The following LRRC31 variants were observed in gnomAD, a reference collection of about 807,000 sequenced individuals.
The protein encoded by LRRC31 is leucine rich repeat containing 31.
In LRRC31, 35 loss-of-function variants were observed where a neutral mutation model predicts 46.7. That is an observed-to-expected ratio of 0.75 (90% CI 0.57 to 0.99). LRRC31 has a LOEUF of 0.99. Ranked by LOEUF, LRRC31 falls within the 50% of genes least tolerant of loss-of-function variation. LRRC31 has a pLI of 0.00. For missense variants in LRRC31, 613 were observed against 626.1 expected (o/e 0.98, Z 0.22); for synonymous variants, 236 against 235.1 (o/e 1.00, Z -0.03).
intron 3 of LRRC31, 73 bp downstream of exon 3, chr3:169,860,488 A>G (rs1357522494): frequency 1.3e-6 from 2 of 1,512,506 alleles, no homozygotes; most frequent in Non-Finnish European, 1.8e-6. Context: ...TCAGCCTCCC[A>G]AAGTGTTAGG....
intron 6 of LRRC31, among the ~76,000 whole-genome samples, chr3:169,854,339 A>T (rs1780878348): frequency 6.6e-6 from 1 of 152,238 alleles, no homozygotes; most frequent in African/African-American, 2.4e-5. Flanking sequence ...CTATGTTTGC[A>T]GTAGGAAAAT....
intron 6 of LRRC31, among the ~76,000 whole-genome samples, chr3:169,852,667 A>G (rs928345873): frequency 2.0e-5 from 3 of 152,178 alleles, no homozygotes; most frequent in Admixed American, 2.0e-4. Context: ...CTCGTTCGCT[A>G]TCTTTTGGCT....
intron 1 of LRRC31, among the ~76,000 whole-genome samples, chr3:169,869,374 A>G (rs898808726): frequency 2.6e-5 from 4 of 151,896 alleles, no homozygotes; most frequent in Non-Finnish European, 5.9e-5. Flanking sequence ...TCTGTCTCAA[A>G]ATAAATAAAT....
In LRRC31 at chr3:169,848,684, C is replaced by T. The variant is rs571477208; in HGVS notation, c.1160-397G>A. 2.6e-5 allele frequency among the ~76,000 whole-genome samples: 4 copies of T among 152,286 alleles called. No individual in the cohort carries two copies. The East Asian group carries it at 5.8e-4, about 22-fold the overall frequency. The stretch of plus-strand genomic sequence containing the variant: ...ATGTTGCCCAGGATGGTCTCGATCT[C>T]CTGACTCAGGATCCGCCAGCCTTGG... On this transcript the variant is annotated intron_variant, in intron 7 of 8. Coordinates refer to ENST00000316428, the MANE Select transcript of LRRC31 (RefSeq NM_024727.4).
intron 8 of LRRC31, among the ~76,000 whole-genome samples, chr3:169,846,102 A>T (rs1780596401): frequency 6.6e-6 from 1 of 152,240 alleles, no homozygotes; most frequent in Admixed American, 6.5e-5. Flanking sequence ...ATACACACAT[A>T]AAAAGATGTT....
rs1021716842 is a variant in LRRC31 at position 169,853,708 on chromosome 3, T to C, written c.991+1105A>G. The C allele has an allele frequency of 1.0e-5, 10 of 984,484 alleles. No individual in the cohort carries two copies. In the African/African-American group the frequency reaches 1.0e-4, roughly 10 times the overall value. 61.0% of individuals were successfully genotyped at this position (984,484 alleles called of 1,614,324 possible). ...TCATGAAAGTCTTGAATTCTTCCCA[T>C]TTTCCCAAATTGAGAGATAAGAGTC... On this transcript the variant is annotated intron_variant, in intron 6 of 8. Transcript: ENST00000316428.
In LRRC31 at chr3:169,851,822, C is replaced by T. The variant is rs1327161576; in HGVS notation, c.992-36G>A. The T allele has an allele frequency of 1.9e-6, 3 of 1,604,056 alleles. No homozygotes were observed. The Admixed American group carries it at 5.0e-5, about 27-fold the overall frequency. ...TATCAACAGTGACATGTTTTAGGCA[C>T]CATCTCACAGGGAGTCTTCTGGGTG... is the stretch of plus-strand genomic sequence containing the variant. On this transcript the variant is annotated intron_variant, in intron 6 of 8. Coordinates refer to ENST00000316428, the MANE Select transcript of LRRC31 (RefSeq NM_024727.4).
chr3:169,857,012 G>A (rs949317493), intron 3 of LRRC31, 140 bp from the exon 4 acceptor site: 2 of 688,074 alleles, frequency 2.9e-6, no homozygotes, highest in African/African-American at 1.8e-5. Context: ...GGAACAGAGA[G>A]AAGGAAAGAA....
Position 169,840,061 on chromosome 3 carries a change from G to T in LRRC31, c.1580C>A (p.Ala527Asp). The change falls in exon 9 of 9, where the codon GCT (alanine) becomes GAT (aspartate). Residue 527 changes from alanine to aspartate, a missense_variant. Transcript: ENST00000316428. ...EIGMKRWILP[A>D]SQEEELECFD... The stretch of plus-strand genomic sequence containing the variant: ...GCATTCTAGTTCTTCCTCCTGTGAA[G>T]CTGGGAGAATCCATCTTTTCATTCC... The T allele has an allele frequency of 6.2e-7, 1 of 1,614,058 alleles. No individual in the cohort carries two copies. Among genetic ancestry groups the T allele is most frequent in the Non-Finnish European group, 8.5e-7 (1 of 1,180,010 alleles).
At chr3:169,853,991 G>C (rs566414628) in intron 6 of LRRC31, among the ~76,000 whole-genome samples, 97 of 152,382 alleles carry the variant, frequency 6.4e-4, no homozygotes, top group Non-Finnish European at 1.1e-3. Flanking sequence ...TGGGGAGAGA[G>C]AGCATGGGCA....
At chr3:169,841,497 G>A (rs1780447176) in intron 8 of LRRC31, among the ~76,000 whole-genome samples, 1 of 152,138 alleles carries the variant, frequency 6.6e-6, no homozygotes, top group South Asian at 2.1e-4. Flanking sequence ...TCTGTCTCTA[G>A]GTGTTCATGT....
rs80232914 is a variant in LRRC31, at chr3:169,843,484, A to G, written c.1328-3171T>C. Reference sequence around the variant, plus strand: ...AAGCTGTGTCAGACTTCTTACCTACAGAACTGTGAGCCGGGTGAGGGATGA... The same window carrying G: ...AAGCTGTGTCAGACTTCTTACCTACGGAACTGTGAGCCGGGTGAGGGATGA... On this transcript the variant is annotated intron_variant, in intron 8 of 8. Transcript: ENST00000316428. Among the ~76,000 whole-genome samples, 970 of 152,364 alleles carry G rather than the reference A, an allele frequency of 6.4e-3. 21 individuals carry two copies. In the East Asian group the frequency reaches 0.075, roughly 12 times the overall value.
At chr3:169,844,911 A>G (rs28797554) in intron 8 of LRRC31, among the ~76,000 whole-genome samples, 1 of 144,090 alleles carries the variant, frequency 6.9e-6, no homozygotes, top group African/African-American at 2.6e-5. Flanking sequence ...CAGCCTGGTG[A>G]CAGAATGAGA....
chr3:169,840,024 A>G lies in LRRC31; in HGVS notation c.1617T>C (p.Asp539=). ...GGTCAAAGTGAATGCTTCTTTTTTTATCTTGGTCAAAGCATTCTAGTTCTT... is the reference window on the plus strand; with the variant it reads ...GGTCAAAGTGAATGCTTCTTTTTTTGTCTTGGTCAAAGCATTCTAGTTCTT... ...QEEELECFDQ[D]KKRSIHFDHG... The change falls in exon 9 of 9, where the codon GAT becomes GAC. Residue 539 remains aspartate (D), a synonymous_variant. Coordinates refer to ENST00000316428, the MANE Select transcript of LRRC31 (RefSeq NM_024727.4). 1 of 1,613,038 alleles carries G rather than the reference A, an allele frequency of 6.2e-7. No homozygotes were observed. Among genetic ancestry groups the G allele is most frequent in the African/African-American group, 1.3e-5 (1 of 74,808 alleles).
chr3:169,851,565 G>A (rs1780766685), intron 7 of LRRC31, 54 bp downstream of exon 7: 1 of 1,511,198 alleles, frequency 6.6e-7, no homozygotes, highest in Admixed American at 2.1e-5. Flanking sequence ...GGAAAAAGAA[G>A]TCTCCCTCGC....
chr3:169,846,387 C>T (rs144857449), intron 8 of LRRC31, among the ~76,000 whole-genome samples: 6,904 of 152,290 alleles, frequency 0.045, 163 homozygotes, highest in East Asian at 0.076. Flanking sequence ...CGGTGGCTCA[C>T]GCCTGTAATC....
intron 8 of LRRC31, 47 bp downstream of exon 8, chr3:169,848,073 C>T: frequency 6.3e-7 from 1 of 1,580,144 alleles, no homozygotes; most frequent in South Asian, 1.1e-5. Context: ...GGGGCCGCAC[C>T]CACTGCTCTG....
At position 169,839,893 on chromosome 3, in the gene LRRC31, G is replaced by A. The variant is rs1203963602; in HGVS notation, c.*89C>T. 4.3e-6 allele frequency: 4 copies of A among 938,080 alleles called. No homozygotes were observed. The highest frequency in any genetic ancestry group is 4.8e-6 in the Non-Finnish European group (3 of 624,286). 58.1% of individuals were successfully genotyped at this position (938,080 alleles called of 1,614,324 possible). A position where few individuals can be genotyped will look rare whatever the true frequency, so the allele number is the denominator to read the frequency against. On this transcript the variant is annotated 3_prime_UTR_variant, in exon 9 of 9. Transcript: ENST00000316428. ...ATAAGTCCCATTAAATGGCCCAGAAGTTGAAATTCAGTTCATGACTCTGGA... is the reference window on the plus strand; with the variant it reads ...ATAAGTCCCATTAAATGGCCCAGAAATTGAAATTCAGTTCATGACTCTGGA...
chr3:169,868,250 A>G (rs915644827), intron 1 of LRRC31, among the ~76,000 whole-genome samples: 1 of 152,234 alleles, frequency 6.6e-6, no homozygotes, highest in Non-Finnish European at 1.5e-5. Flanking sequence ...CTCTAGGCTC[A>G]GTCGTATCTA....
Sources: gnomAD v4.1 joint callset for allele counts (sites outside exome capture counted in the v4.1 genomes callset) on GRCh38, gnomAD v4.1.1 for gene constraint, MANE v1.5 for transcripts, NCBI Gene and HGNC (gene_info 2026-07-23, HGNC 2026-07-21) for gene names.